Variants in CTIF observed in about 807,000 individuals in gnomAD.
The protein encoded by CTIF is CBP80/20-dependent translation initiation factor.
In CTIF, 21 loss-of-function variants were observed where a neutral mutation model predicts 66.0. That is an observed-to-expected ratio of 0.32 (90% confidence interval 0.23 to 0.46). The LOEUF is 0.46. CTIF is among the 20% of genes least tolerant of loss of function. The pLI is 1.00. For synonymous variants in CTIF, 345 were observed against 326.4 expected (o/e 1.06, Z -0.62); for missense variants, 739 against 812.7 (o/e 0.91, Z 1.10).
At chr18:48,664,634 G>A in intron 5 of CTIF, 83 bp downstream of exon 5, 1 of 1,188,260 alleles carries the variant, frequency 8.4e-7, no homozygotes, top group African/African-American at 1.5e-5. Flanking sequence ...AGGCTGCTCT[G>A]CTGCACAGGG....
intron 3 of CTIF, among the ~76,000 whole-genome samples, chr18:48,637,681 T>G (rs1292349688): frequency 6.6e-6 from 1 of 152,162 alleles, no homozygotes; most frequent in Non-Finnish European, 1.5e-5. Flanking sequence ...AGATCTTTCT[T>G]AGGCTGTAGG....
At chr18:48,640,256 G>A (rs940250758) in intron 3 of CTIF, among the ~76,000 whole-genome samples, 18 of 152,230 alleles carry the variant, frequency 1.2e-4, no homozygotes, top group Non-Finnish European at 2.2e-4. Flanking sequence ...CCCTCACACT[G>A]ACTCATGCTG....
intron 9 of CTIF, among the ~76,000 whole-genome samples, chr18:48,775,957 C>T (rs9959767): frequency 6.6e-4 from 100 of 152,328 alleles, no homozygotes; most frequent in African/African-American, 2.0e-3. Context: ...ATTTTGCTGG[C>T]GCCTGCTTCT....
chr18:48,647,711 G>C (rs2091072300), intron 3 of CTIF, among the ~76,000 whole-genome samples: 2 of 152,222 alleles, frequency 1.3e-5, no homozygotes, highest in Admixed American at 1.3e-4. Context: ...GAAAGGGATA[G>C]AACTGTTTTT....
At chr18:48,853,480 A>C (rs567046647) in intron 10 of CTIF, among the ~76,000 whole-genome samples, 1 of 152,266 alleles carries the variant, frequency 6.6e-6, no homozygotes, top group African/African-American at 2.4e-5. Flanking sequence ...TCACGTGTGC[A>C]GCCCATACTG....
At chr18:48,859,026 G>A (rs555759214) in intron 11 of CTIF, among the ~76,000 whole-genome samples, 2 of 152,338 alleles carry the variant, frequency 1.3e-5, no homozygotes, top group East Asian at 3.9e-4. Flanking sequence ...GTCAGGGAAG[G>A]CTTCCTGGAA....
chr18:48,724,100 G>C (rs1016000249), intron 7 of CTIF, among the ~76,000 whole-genome samples: 2 of 152,166 alleles, frequency 1.3e-5, no homozygotes, highest in Non-Finnish European at 2.9e-5. Context: ...ATGTCTCTAA[G>C]CACCTGCAGG....
At chr18:48,797,352 G>A (rs1048886596) in intron 9 of CTIF, among the ~76,000 whole-genome samples, 3 of 152,128 alleles carry the variant, frequency 2.0e-5, no homozygotes, top group Non-Finnish European at 2.9e-5. Flanking sequence ...GGGTGGTGGT[G>A]CGTGCCTGTA....
At chr18:48,578,674 G>C (rs552911880) in intron 1 of CTIF, among the ~76,000 whole-genome samples, 1 of 152,256 alleles carries the variant, frequency 6.6e-6, no homozygotes, top group African/African-American at 2.4e-5. Context: ...TCAATTGTTT[G>C]CCCAACTTTT....
intron 7 of CTIF, among the ~76,000 whole-genome samples, chr18:48,717,869 A>G (rs1263325870): frequency 2.0e-5 from 3 of 151,994 alleles, no homozygotes; most frequent in South Asian, 4.2e-4. Flanking sequence ...TCTAGGGACT[A>G]TAGGCACCCG....
At chr18:48,772,852 G>A (rs1369117621) in intron 9 of CTIF, among the ~76,000 whole-genome samples, 1 of 152,204 alleles carries the variant, frequency 6.6e-6, no homozygotes, top group East Asian at 1.9e-4. Flanking sequence ...TATATACCTA[G>A]AAGTGGAATT....
chr18:48,691,866 T>TA (rs2091930526), intron 6 of CTIF, among the ~76,000 whole-genome samples: 2 of 152,190 alleles, frequency 1.3e-5, no homozygotes, highest in African/African-American at 4.8e-5. Context: ...AGGACAATCC[T>TA]ATTTACCTGC....
rs181847425 is a variant in CTIF at position 48,785,866 on chromosome 18, A to G, written c.1371+24177A>G. ...TTATGGGTAGGACCCCCGCATCAACATTGTTTAAAGCTTCCCGAGTGAGCC... is the reference window on the plus strand; with the variant it reads ...TTATGGGTAGGACCCCCGCATCAACGTTGTTTAAAGCTTCCCGAGTGAGCC... On this transcript the variant is annotated intron_variant, in intron 9 of 11. Transcript: ENST00000256413. Among the ~76,000 whole-genome samples the G allele has an allele frequency of 6.6e-5, 10 of 152,216 alleles. No individual in the cohort carries two copies. In the East Asian group the frequency reaches 1.9e-3, roughly 29 times the overall value.
chr18:48,844,500 T>A (rs533824404), intron 10 of CTIF, among the ~76,000 whole-genome samples: 74 of 152,328 alleles, frequency 4.9e-4, no homozygotes, highest in Admixed American at 9.8e-4. Flanking sequence ...GTCGCTACTT[T>A]GTACGGGGTG....
At chr18:48,733,689 C>A (rs2092474920) in intron 7 of CTIF, among the ~76,000 whole-genome samples, 1 of 152,238 alleles carries the variant, frequency 6.6e-6, no homozygotes, top group African/African-American at 2.4e-5. Flanking sequence ...ATTATCTGAG[C>A]CCACCTAGGG....
At chr18:48,823,991 C>CAA (rs2068533776) in intron 10 of CTIF, among the ~76,000 whole-genome samples, 2 of 140,472 alleles carry the variant, frequency 1.4e-5, no homozygotes, top group Admixed American at 7.4e-5. Flanking sequence ...CACACACACA[C>CAA]ACACACACAC....
At chr18:48,721,903 C>A (rs2092341280) in intron 7 of CTIF, among the ~76,000 whole-genome samples, 1 of 152,174 alleles carries the variant, frequency 6.6e-6, no homozygotes, top group African/African-American at 2.4e-5. Flanking sequence ...TAAAATAGGG[C>A]TCTGATTTCA....
At chr18:48,791,678 C>G (rs557964312) in intron 9 of CTIF, among the ~76,000 whole-genome samples, 1 of 152,214 alleles carries the variant, frequency 6.6e-6, no homozygotes. Flanking sequence ...CCGTCTCAAC[C>G]GTAGCTTTTA....
chr18:48,633,176 T>C (rs1449775848), intron 2 of CTIF, among the ~76,000 whole-genome samples: 1 of 152,132 alleles, frequency 6.6e-6, no homozygotes, highest in Admixed American at 6.5e-5. Context: ...AGAAGCCTTT[T>C]TCTGAGAGGT....
Sources: gnomAD v4.1 joint callset for allele counts (sites outside exome capture counted in the v4.1 genomes callset) on GRCh38, gnomAD v4.1.1 for gene constraint, MANE v1.5 for transcripts, NCBI Gene and HGNC (gene_info 2026-07-23, HGNC 2026-07-21) for gene names.